Variants in PLGRKT observed in about 807,000 individuals in gnomAD.
PLGRKT encodes plasminogen receptor (KT).
In PLGRKT, 22 loss-of-function variants were observed where a neutral mutation model predicts 18.5. That is an observed-to-expected ratio of 1.19 (90% CI 0.85 to 1.70). The LOEUF (loss-of-function observed/expected upper bound fraction) is 1.70, where lower values mean the gene tolerates loss of function less well. Among genes scored for constraint, PLGRKT ranks in the 40% most tolerant of loss-of-function variants. The pLI is 0.00. For synonymous variants in PLGRKT, 72 were observed against 52.8 expected (o/e 1.36, Z -1.58); for missense variants, 235 against 174.4 (o/e 1.35, Z -1.96).
chr9:5,402,476 G>C (rs1179461910), intron 3 of PLGRKT, among the ~76,000 whole-genome samples: 1 of 151,944 alleles, frequency 6.6e-6, no homozygotes, highest in Non-Finnish European at 1.5e-5. Flanking sequence ...CACTGCCATA[G>C]CCAGACCACA....
intron 3 of PLGRKT, among the ~76,000 whole-genome samples, chr9:5,367,067 A>ACC (rs1554626429): frequency 9.6e-4 from 133 of 138,956 alleles, no homozygotes; most frequent in East Asian, 4.6e-3. Flanking sequence ...ACACACACAC[A>ACC]CCCCTAGGAA....
intron 3 of PLGRKT, among the ~76,000 whole-genome samples, chr9:5,374,042 A>T (rs1184994904): frequency 6.6e-6 from 1 of 152,192 alleles, no homozygotes; most frequent in East Asian, 1.9e-4. Flanking sequence ...TGATAATAGC[A>T]TCACCTTCTG....
At chr9:5,373,427 T>C (rs1172344896) in intron 3 of PLGRKT, among the ~76,000 whole-genome samples, 1 of 152,144 alleles carries the variant, frequency 6.6e-6, no homozygotes, top group Non-Finnish European at 1.5e-5. Flanking sequence ...GGGATGGCCT[T>C]CTCTACTCTG....
chr9:5,394,564 C>T (rs1381499367), intron 3 of PLGRKT, among the ~76,000 whole-genome samples: 4 of 151,780 alleles, frequency 2.6e-5, no homozygotes, highest in African/African-American at 9.7e-5. Flanking sequence ...AGGCGCCCAC[C>T]ACCATGCCCG....
chr9:5,361,802 A>C lies in PLGRKT; in HGVS notation c.168T>G (p.Tyr56Ter). 1 of 1,613,532 alleles carries C rather than the reference A, an allele frequency of 6.2e-7. No homozygotes were observed. ...CTGCAAGGCCAAAAAAAGTTCCAAA[A>C]TATTTGAGGAATTCCCGAGACCACG... is the stretch of plus-strand genomic sequence containing the variant. The part of the protein sequence containing the change: ...QIAWSREFLK[Y>*]FGTFFGLAAI... The change falls in exon 4 of 6, where the codon TAT becomes TAG. Residue 56 changes from tyrosine (Y) to a stop codon, truncating the protein, a stop_gained. Transcript: ENST00000223864. LOFTEE classifies it high-confidence loss of function.
chr9:5,417,881 A>C (rs7035294), intron 3 of PLGRKT, among the ~76,000 whole-genome samples: 1 of 152,190 alleles, frequency 6.6e-6, no homozygotes, highest in Non-Finnish European at 1.5e-5. Context: ...AACTAAATGA[A>C]GACTGAGTTT....
chr9:5,416,416 A>C (rs903574017), intron 3 of PLGRKT, among the ~76,000 whole-genome samples: 14 of 152,196 alleles, frequency 9.2e-5, no homozygotes, highest in African/African-American at 3.4e-4. Flanking sequence ...CTGTCTGTGT[A>C]CATATTATCA....
chr9:5,409,568 G>A (rs949568023), intron 3 of PLGRKT, among the ~76,000 whole-genome samples: 3 of 152,156 alleles, frequency 2.0e-5, no homozygotes, highest in Admixed American at 6.5e-5. Context: ...TAGATCCACT[G>A]ACAGCTCAGA....
intron 3 of PLGRKT, among the ~76,000 whole-genome samples, chr9:5,365,624 G>A (rs1173079754): frequency 6.6e-6 from 1 of 152,100 alleles, no homozygotes; most frequent in Non-Finnish European, 1.5e-5. Flanking sequence ...GTGAGATTCT[G>A]GGACAGAAAA....
chr9:5,431,148 T>G (rs2131176444), intron 3 of PLGRKT, among the ~76,000 whole-genome samples: 1 of 152,328 alleles, frequency 6.6e-6, no homozygotes, highest in Middle Eastern at 3.4e-3. Context: ...CTTCCTGAAT[T>G]CCTTGACTCA....
At chr9:5,397,403 T>C (rs1235043660) in intron 3 of PLGRKT, among the ~76,000 whole-genome samples, 1 of 151,976 alleles carries the variant, frequency 6.6e-6, no homozygotes, top group Non-Finnish European at 1.5e-5. Flanking sequence ...ACTTTGTATT[T>C]CTTTAAATAC....
intron 3 of PLGRKT, among the ~76,000 whole-genome samples, chr9:5,368,374 A>G (rs1402748503): frequency 1.3e-5 from 2 of 152,232 alleles, no homozygotes; most frequent in African/African-American, 4.8e-5. Flanking sequence ...AACGTGGTAC[A>G]TATACATCAT....
At chr9:5,426,354 G>A (rs1222082903) in intron 3 of PLGRKT, among the ~76,000 whole-genome samples, 1 of 152,018 alleles carries the variant, frequency 6.6e-6, no homozygotes, top group African/African-American at 2.4e-5. Flanking sequence ...TCTTAAAAAA[G>A]GAAAGAACAG....
At chr9:5,396,693 T>G (rs996424149) in intron 3 of PLGRKT, among the ~76,000 whole-genome samples, 1 of 151,964 alleles carries the variant, frequency 6.6e-6, no homozygotes, top group African/African-American at 2.4e-5. Context: ...TTAAAAATAA[T>G]AAATAAAGAC....
intron 3 of PLGRKT, among the ~76,000 whole-genome samples, chr9:5,430,729 C>G (rs1818806097): frequency 6.6e-6 from 1 of 152,196 alleles, no homozygotes; most frequent in Non-Finnish European, 1.5e-5. Flanking sequence ...TAGCTACATG[C>G]CTTACCAGAG....
At chr9:5,417,248 C>G (rs1366957839) in intron 3 of PLGRKT, among the ~76,000 whole-genome samples, 1 of 152,020 alleles carries the variant, frequency 6.6e-6, no homozygotes, top group Non-Finnish European at 1.5e-5. Flanking sequence ...GTATGTGACC[C>G]CTAATATTTA....
intron 3 of PLGRKT, among the ~76,000 whole-genome samples, chr9:5,364,986 C>T (rs1817353392): frequency 6.6e-6 from 1 of 152,146 alleles, no homozygotes; most frequent in Non-Finnish European, 1.5e-5. Context: ...ATAGATTAGG[C>T]ATTCATGGCT....
chr9:5,374,162 G>C (rs1308468276), intron 3 of PLGRKT, among the ~76,000 whole-genome samples: 2 of 152,168 alleles, frequency 1.3e-5, no homozygotes, highest in African/African-American at 4.8e-5. Flanking sequence ...TCTCCACTGG[G>C]AAATGGAGAG....
chr9:5,436,150 TC>T (rs1818955167), intron 2 of PLGRKT, among the ~76,000 whole-genome samples: 1 of 152,230 alleles, frequency 6.6e-6, no homozygotes, highest in African/African-American at 2.4e-5. Context: ...GGCAGTTCTT[TC>T]CTTTCTCCAA....
Sources: allele counts gnomAD v4.1 joint callset (sites outside exome capture counted in the v4.1 genomes callset), GRCh38; gene constraint gnomAD v4.1.1; transcripts MANE v1.5; gene names NCBI Gene and HGNC (gene_info 2026-07-23, HGNC 2026-07-21).